Variants in ARFGEF2 observed in about 807,000 individuals in gnomAD.
ARFGEF2 encodes the protein brefeldin A-inhibited guanine nucleotide-exchange protein 2.
ARFGEF2 carries 74 observed loss-of-function variants against 219.9 expected under a neutral mutation model. That is an observed-to-expected ratio of 0.34 (90% CI 0.28 to 0.41). The LOEUF (loss-of-function observed/expected upper bound fraction) is 0.41. ARFGEF2 is among the 10% of genes least tolerant of loss of function. The probability of loss-of-function intolerance (pLI) is 1.00; values close to 1 mark genes in which losing one functional copy is unlikely to be tolerated. For missense variants in ARFGEF2, 1,743 were observed against 2,218.3 expected, an observed-to-expected ratio of 0.79 and a Z score of 4.30; for synonymous variants, 733 against 799.2, an observed-to-expected ratio of 0.92 and a Z score of 1.40.
At chr20:49,021,828 CA>C (rs2091566484) in intron 34 of ARFGEF2, among the ~76,000 whole-genome samples, 1 of 133,774 alleles carries the variant, frequency 7.5e-6, no homozygotes, top group Non-Finnish European at 1.6e-5. Context: ...CTGGGTGACA[CA>C]GCGAGACTCT....
intron 37 of ARFGEF2, among the ~76,000 whole-genome samples, chr20:49,029,277 C>T (rs983882513): frequency 1.3e-5 from 2 of 152,190 alleles, no homozygotes; most frequent in African/African-American, 4.8e-5. Context: ...CAGTAACACA[C>T]AGTGCTGGCA....
intron 1 of ARFGEF2, among the ~76,000 whole-genome samples, chr20:48,927,031 C>T (rs1269292346): frequency 6.6e-6 from 1 of 152,076 alleles, no homozygotes; most frequent in Non-Finnish European, 1.5e-5. Flanking sequence ...TGGGTTGAGG[C>T]GTGGGAGGTG....
chr20:48,965,837 C>T, intron 7 of ARFGEF2, 35 bp from the exon 8 acceptor site: 1 of 1,613,670 alleles, frequency 6.2e-7, no homozygotes, highest in Non-Finnish European at 8.5e-7. Flanking sequence ...AAGTACAGTA[C>T]TAATTTGGCT....
chr20:48,972,364 A>G lies in ARFGEF2; in HGVS notation c.1464A>G (p.Thr488=). 3 of 1,614,102 alleles carry G rather than the reference A, an allele frequency of 1.9e-6. No homozygotes were observed. The highest frequency in any genetic ancestry group is 2.5e-6 in the Non-Finnish European group (3 of 1,179,976). ...AGATTTTCCTGAACATTTTAGAAAC[A>G]TCAACAAGTTCTTTTGAGCACAGGT... ...FKEIFLNILE[T]STSSFEHRWM... is the part of the protein sequence containing the mutation. The change falls in exon 11 of 39, where the codon ACA becomes ACG. Residue 488 remains threonine (T), a synonymous_variant. Transcript: ENST00000371917.
intron 2 of ARFGEF2, 32 bp from the exon 3 acceptor site, chr20:48,941,829 TTTC>T: frequency 6.2e-7 from 1 of 1,614,152 alleles, no homozygotes; most frequent in Non-Finnish European, 8.5e-7. Context: ...AGAAAATTCA[TTTC>T]TTCTCCCGAC....
chr20:48,958,530 G>A (rs1177141474), intron 6 of ARFGEF2, among the ~76,000 whole-genome samples: 9 of 151,614 alleles, frequency 5.9e-5, no homozygotes, highest in Admixed American at 5.9e-4. Context: ...TCCGCCTCCT[G>A]GGTTCACGCC....
At chr20:48,941,392 T>G (rs1296102567) in intron 2 of ARFGEF2, among the ~76,000 whole-genome samples, 163 bp downstream of exon 2, 1 of 152,192 alleles carries the variant, frequency 6.6e-6, no homozygotes, top group Non-Finnish European at 1.5e-5. Flanking sequence ...CTGTGTATGT[T>G]TGAACTGATG....
Position 49,019,114 on chromosome 20 carries a change from C to T in ARFGEF2, c.4624+116C>T. The T allele has an allele frequency of 3.5e-6, 3 of 860,448 alleles. No individual in the cohort carries two copies. In the South Asian group the frequency reaches 4.4e-5, roughly 13 times the overall value. The allele number at this position is 860,448 out of a possible 1,614,324, so 53.3% of individuals were successfully genotyped here. A position where few individuals can be genotyped will look rare whatever the true frequency, so the allele number is the denominator to read the frequency against. ...TTCTTCTGCCCTGTGCCTCAGTCTG[C>T]CAGTTCTCTGTAGCAGCCAAGGTTA... On this transcript the variant is annotated intron_variant, in intron 34 of 38. Transcript: ENST00000371917.
At chr20:48,963,069 G>T (rs989724656) in intron 6 of ARFGEF2, among the ~76,000 whole-genome samples, 1 of 151,588 alleles carries the variant, frequency 6.6e-6, no homozygotes, top group Non-Finnish European at 1.5e-5. Context: ...TTAGCCGGGC[G>T]TGGTGAGGAG....
rs375582617 is a variant in ARFGEF2 at position 48,953,767 on chromosome 20, G to A, written c.815G>A (p.Arg272Lys). ...KVSTENGDAPRERGSSLSGTD... is the reference protein window; with the variant it reads ...KVSTENGDAPKERGSSLSGTD... ...AGCACAGAAAATGGAGACGCACCCA[G>A]AGAAAGAGGCTCATCACTGTCAGGT... is the stretch of plus-strand genomic sequence containing the variant. Residue 272 changes from arginine to lysine, a missense_variant, in exon 6 of 39, where the codon AGA becomes AAA. Physicochemically the swap from Arg to Lys is conservative, Grantham distance 26. Coordinates refer to ENST00000371917, the MANE Select transcript of ARFGEF2 (RefSeq NM_006420.3). The A allele has an allele frequency of 2.1e-5, 34 of 1,613,938 alleles. No individual in the cohort carries two copies. The African/African-American group carries it at 4.5e-4, about 22-fold the overall frequency.
intron 16 of ARFGEF2, among the ~76,000 whole-genome samples, chr20:48,988,096 TA>T (rs1398440203): frequency 6.6e-6 from 1 of 152,128 alleles, no homozygotes; most frequent in East Asian, 1.9e-4. Context: ...CCAAAGAAGC[TA>T]AAATTTGATA....
intron 26 of ARFGEF2, among the ~76,000 whole-genome samples, chr20:49,007,601 T>TC (rs1468352162): frequency 6.7e-6 from 1 of 149,354 alleles, no homozygotes; most frequent in Non-Finnish European, 1.5e-5. Flanking sequence ...GCTTTTTTTT[T>TC]TTTTTTTTTT....
chr20:49,028,420 G>GA (rs2091615692), intron 36 of ARFGEF2, 110 bp from the exon 37 acceptor site: 4 of 1,272,408 alleles, frequency 3.1e-6, no homozygotes, highest in East Asian at 4.7e-5. Flanking sequence ...ACTATCTCAA[G>GA]AAAAAAACAG....
intron 8 of ARFGEF2, among the ~76,000 whole-genome samples, 174 bp downstream of exon 8, chr20:48,966,197 G>T (rs2091185882): frequency 6.6e-6 from 1 of 152,212 alleles, no homozygotes; most frequent in South Asian, 2.1e-4. Context: ...CTTAGAACGT[G>T]CTAATGTTGC....
At position 48,965,825 on chromosome 20, in the gene ARFGEF2, G is replaced by A. The variant is rs373019522; in HGVS notation, c.908-47G>A. The A allele has an allele frequency of 1.9e-4, 306 of 1,611,674 alleles. 2 individuals are homozygous for A. In the South Asian group the frequency reaches 3.1e-3, roughly 16 times the overall value. ...TTTTGGTGTCAGGCAGCCCTTTAGG[G>A]TAAGTACAGTACTAATTTGGCTATG... On this transcript the variant is annotated intron_variant, in intron 7 of 38. Transcript: ENST00000371917.
At position 49,033,286 on chromosome 20, in the gene ARFGEF2, A is replaced by G. The variant is rs956360593; in HGVS notation, c.*87A>G. On this transcript the variant is annotated 3_prime_UTR_variant, in exon 39 of 39. Coordinates refer to ENST00000371917, the MANE Select transcript of ARFGEF2 (RefSeq NM_006420.3). ...GCACATCTCGTGAAGTTTCATAGAA[A>G]CAAGGAGTTGGCATCTTGGATCTCA... 1 of 1,503,078 alleles carries G rather than the reference A, an allele frequency of 6.7e-7. No homozygotes were observed. Among genetic ancestry groups the G allele is most frequent in the Admixed American group, 1.7e-5 (1 of 57,394 alleles). 93.1% of individuals were successfully genotyped at this position (1,503,078 alleles called of 1,614,324 possible).
chr20:48,935,934 G>A (rs562307754), intron 1 of ARFGEF2, among the ~76,000 whole-genome samples: 154 of 125,624 alleles, frequency 1.2e-3, no homozygotes, highest in Non-Finnish European at 2.0e-3. Context: ...TGGGGCGGCT[G>A]GCCGGGGGGG....
chr20:49,030,998 A>T (rs892959936), intron 37 of ARFGEF2, among the ~76,000 whole-genome samples: 26 of 151,958 alleles, frequency 1.7e-4, no homozygotes, highest in Non-Finnish European at 3.7e-4. Flanking sequence ...GTCTCAAAAT[A>T]AAAAAAAGAG....
chr20:48,975,920 C>A, intron 13 of ARFGEF2, 96 bp from the exon 14 acceptor site: 1 of 1,098,516 alleles, frequency 9.1e-7, no homozygotes, highest in Non-Finnish European at 1.4e-6. Context: ...GTTGCTATTA[C>A]AGGTTTGGGA....
Sources: allele counts gnomAD v4.1 joint callset (sites outside exome capture counted in the v4.1 genomes callset), GRCh38; gene constraint gnomAD v4.1.1; transcripts MANE v1.5; gene names NCBI Gene and HGNC (gene_info 2026-07-23, HGNC 2026-07-21).